SALL4: variants seen among roughly 807,000 people sequenced by gnomAD.
SALL4 encodes sal-like protein 4.
SALL4 carries 4 observed loss-of-function variants against 60.8 expected under a neutral mutation model. The observed-to-expected ratio is 0.07, with a 90% confidence interval of 0.03 to 0.15. SALL4 has a LOEUF of 0.15. Ranked by LOEUF, SALL4 falls within the 10% of genes least tolerant of loss-of-function variation. The probability of loss-of-function intolerance (pLI) is 1.00; values close to 1 mark genes in which losing one functional copy is unlikely to be tolerated. For missense variants in SALL4, 1,178 were observed against 1,394.7 expected (o/e 0.84, Z 2.48); for synonymous variants, 580 against 574.9 (o/e 1.01, Z -0.13).
At chr20:51,802,012 G>T (rs1158251311) in intron 1 of SALL4, among the ~76,000 whole-genome samples, 1 of 151,836 alleles carries the variant, frequency 6.6e-6, no homozygotes, top group Non-Finnish European at 1.5e-5. Context: ...GAGAACAGAG[G>T]AGCGAGTGGG....
rs764213189 is a variant in SALL4, at chr20:51,790,806, G to T, written c.1677C>A (p.Asp559Glu). Residue 559 changes from aspartate to glutamate, a missense_variant, in exon 2 of 4, where the codon GAC becomes GAA. Asp to Glu is a conservative substitution (Grantham distance 45, BLOSUM62 2). This residue lies in a region of SALL4 where 853 missense variants were observed against 1,036.8 expected (regional missense o/e 0.82). Coordinates refer to ENST00000217086, the MANE Select transcript of SALL4 (RefSeq NM_020436.5). This position sits in a 1 kb window ranked among gnomAD's most constrained non-coding sequence, Gnocchi z 5.5. ...ATTCGTTGGGATCAGTGGTGGCCTT[G>T]TCAATGTTCTCCACCAACTGCTGCA... is the stretch of plus-strand genomic sequence containing the variant. ...LKLQQLVENIDKATTDPNECL... is the reference protein window; with the variant it reads ...LKLQQLVENIEKATTDPNECL... 3.7e-6 allele frequency: 6 copies of T among 1,613,992 alleles called. No homozygotes were observed. In the East Asian group the frequency reaches 1.3e-4, roughly 36 times the overall value.
chr20:51,802,169 C>T (rs1333775587), intron 1 of SALL4, 110 bp downstream of exon 1: 3 of 1,351,956 alleles, frequency 2.2e-6, no homozygotes, highest in East Asian at 4.9e-5. Flanking sequence ...CAAATCTCGG[C>T]TCCTGAATTT....
chr20:51,784,056 T>TC lies in SALL4; in HGVS notation c.*208_*209insG. Reference sequence around the variant, plus strand: ...GTCTGTATTTGTTTTGGTATGCATTTTTTTTTTATTTTTTCAACTTTTTGC... The same window carrying TC: ...GTCTGTATTTGTTTTGGTATGCATTTCTTTTTTTATTTTTTCAACTTTTTGC... On this transcript the variant is annotated 3_prime_UTR_variant, in exon 4 of 4. Coordinates refer to ENST00000217086, the MANE Select transcript of SALL4 (RefSeq NM_020436.5). The TC allele has an allele frequency of 1.6e-6, 1 of 613,144 alleles. No homozygotes were observed. The highest frequency in any genetic ancestry group is 2.8e-6 in the Non-Finnish European group (1 of 352,192). The allele number at this position is 613,144 out of a possible 1,614,324, so 38.0% of individuals were successfully genotyped here.
chr20:51,791,627 G>C lies in SALL4; in HGVS notation c.856C>G (p.Leu286Val), dbSNP rs2078043297. 2.5e-6 allele frequency: 4 copies of C among 1,613,946 alleles called. No homozygotes were observed. Among genetic ancestry groups the C allele is most frequent in the Non-Finnish European group, 3.4e-6 (4 of 1,180,048 alleles). ...AGCTTGGCTTGTTTCAAGGCATCCA[G>C]AGACAGACCTTGGCTTCCAGCTTTC... The part of the protein sequence containing the change: ...SQKAGSQGLS[L>V]DALKQAKLPH... The change falls in exon 2 of 4, where the codon CTG (leucine) becomes GTG (valine). Residue 286 changes from leucine (L) to valine (V), a missense_variant. Around this residue, in one of 5 missense-constraint regions of SALL4, gnomAD observed 853 missense variants for 1,036.8 expected, o/e 0.82. Coordinates refer to ENST00000217086, the MANE Select transcript of SALL4 (RefSeq NM_020436.5). This position sits in a 1 kb window ranked among gnomAD's most constrained non-coding sequence, Gnocchi z 4.6.
chr20:51,796,577 G>A (rs1379350638), intron 1 of SALL4, among the ~76,000 whole-genome samples: 1 of 152,120 alleles, frequency 6.6e-6, no homozygotes, highest in Admixed American at 6.5e-5. Flanking sequence ...GCCTTAGGTC[G>A]CTTATCTTCA....
chr20:51,798,845 A>AAAAAC lies in SALL4; in HGVS notation c.130+3429_130+3433dup, dbSNP rs369396897. ...CTAAGGTTATTTTTAAAAAACCAAT[A>AAAAAC]AAAACAAAACAAAACAAAACAAAAC... is the stretch of plus-strand genomic sequence containing the variant. On this transcript the variant is annotated intron_variant, in intron 1 of 3. Transcript: ENST00000217086. Among the ~76,000 whole-genome samples, 907 of 151,614 alleles carry AAAAAC rather than the reference A, an allele frequency of 6.0e-3. 5 individuals are homozygous for AAAAAC. The highest frequency in any genetic ancestry group is 0.017 in the African/African-American group (709 of 41,184).
intron 3 of SALL4, among the ~76,000 whole-genome samples, chr20:51,784,999 G>A (rs1416511695): frequency 2.0e-5 from 3 of 152,046 alleles, no homozygotes; most frequent in Non-Finnish European, 4.4e-5. Flanking sequence ...TTTTATACAT[G>A]AGCACTGAAA....
rs57307622 is a variant in SALL4, at chr20:51,782,573, A to AAAAAAG, written c.*1691_*1692insCTTTTT. The AAAAAAG allele has an allele frequency of 4.2e-3, 551 of 131,564 alleles. 2 individuals are homozygous for AAAAAAG. Among genetic ancestry groups the AAAAAAG allele is most frequent in the Non-Finnish European group, 5.3e-3 (345 of 64,988 alleles). The allele number at this position is 131,564 out of a possible 1,614,324, so 8.1% of individuals were successfully genotyped here. ...GGCAAAAAAAAAAAAAAAAAAAAAA[A>AAAAAAG]AGGGGGGCGGAATCCTAAAGTCAGG... On this transcript the variant is annotated 3_prime_UTR_variant, in exon 4 of 4. Coordinates refer to ENST00000217086, the MANE Select transcript of SALL4 (RefSeq NM_020436.5).
At chr20:51,784,779 C>A in intron 3 of SALL4, 95 bp from the exon 4 acceptor site, 1 of 1,412,646 alleles carries the variant, frequency 7.1e-7, no homozygotes, top group South Asian at 1.2e-5. Context: ...TCATTCTACC[C>A]AGTGTTTTAA....
Position 51,788,720 on chromosome 20 carries a change from A to G in SALL4, c.2742+141T>C. 9.9e-7 allele frequency: 1 copy of G among 1,009,150 alleles called. No individual in the cohort carries two copies. The highest frequency in any genetic ancestry group is 1.4e-5 in the South Asian group (1 of 72,456). The allele number at this position is 1,009,150 out of a possible 1,614,324, so 62.5% of individuals were successfully genotyped here. A position where few individuals can be genotyped will look rare whatever the true frequency, so the allele number is the denominator to read the frequency against. ...CTCAAAAATAAATAAATAAATAAAC[A>G]AACTCCTGGACTCAAGCAATCCTCC... On this transcript the variant is annotated intron_variant, in intron 3 of 3. Coordinates refer to ENST00000217086, the MANE Select transcript of SALL4 (RefSeq NM_020436.5). This position sits in a 1 kb window ranked among gnomAD's most constrained non-coding sequence, Gnocchi z 4.1.
rs145790154 is a variant in SALL4, at chr20:51,784,364, C to T, written c.3063G>A (p.Ser1021=). Reference sequence around the variant, plus strand: ...GTTTTTCCACATCTGCACTGATACCCGACTGGGAGCCATCCATCTTGGAGA... The same window carrying T: ...GTTTTTCCACATCTGCACTGATACCTGACTGGGAGCCATCCATCTTGGAGA... ...ATVSKMDGSQ[S]GISADVEKPS... The change falls in exon 4 of 4, where the codon TCG becomes TCA. Residue 1021 remains serine (S), a synonymous_variant. Coordinates refer to ENST00000217086, the MANE Select transcript of SALL4 (RefSeq NM_020436.5). The T allele has an allele frequency of 2.3e-5, 37 of 1,614,022 alleles. No individual in the cohort carries two copies. In the African/African-American group the frequency reaches 3.7e-4, roughly 16 times the overall value.
At position 51,784,028 on chromosome 20, in the gene SALL4, A is replaced by C; in HGVS notation, c.*237T>G. 1 of 549,254 alleles carries C rather than the reference A, an allele frequency of 1.8e-6. No individual in the cohort carries two copies. Among genetic ancestry groups the C allele is most frequent in the Admixed American group, 3.1e-5 (1 of 32,144 alleles). The allele number at this position is 549,254 out of a possible 1,614,324, so 34.0% of individuals were successfully genotyped here. A position where few individuals can be genotyped will look rare whatever the true frequency, so the allele number is the denominator to read the frequency against. On this transcript the variant is annotated 3_prime_UTR_variant, in exon 4 of 4. Transcript: ENST00000217086. Reference sequence around the variant, plus strand: ...GAGCGAGACTCCATCTCAAAAAAAAAGAGTCTGTATTTGTTTTGGTATGCA... The same window carrying C: ...GAGCGAGACTCCATCTCAAAAAAAACGAGTCTGTATTTGTTTTGGTATGCA...
chr20:51,791,752 G>A lies in SALL4; in HGVS notation c.731C>T (p.Ser244Phe). The A allele has an allele frequency of 6.2e-7, 1 of 1,614,126 alleles. No individual in the cohort carries two copies. The highest frequency in any genetic ancestry group is 8.5e-7 in the Non-Finnish European group (1 of 1,180,048). The change falls in exon 2 of 4, where the codon TCC (serine) becomes TTC (phenylalanine). Residue 244 changes from serine to phenylalanine, a missense_variant. This residue lies in a region of SALL4 where 853 missense variants were observed against 1,036.8 expected (regional missense o/e 0.82). Transcript: ENST00000217086. The surrounding 1 kb of genome is among the most constrained non-coding windows in gnomAD (Gnocchi z 4.6). ...TGCCCCGCTTGAGTGGAGGGCGTGG[G>A]AGGCCCACATGTTCACCTGGATGCG... is the stretch of plus-strand genomic sequence containing the variant. ...QIRIQVNMWA[S>F]HALHSSGAGA...
chr20:51,800,810 C>T (rs2078105179), intron 1 of SALL4, among the ~76,000 whole-genome samples: 1 of 152,024 alleles, frequency 6.6e-6, no homozygotes, highest in African/African-American at 2.4e-5. Flanking sequence ...GCTGACCACC[C>T]GGCGCCCCGA....
intron 2 of SALL4, among the ~76,000 whole-genome samples, chr20:51,789,749 A>G (rs562221510): frequency 7.3e-4 from 111 of 152,326 alleles, no homozygotes; most frequent in African/African-American, 2.0e-3. Context: ...ACCCACCCCT[A>G]TGTCCCAAGG....
chr20:51,784,029 G>C lies in SALL4; in HGVS notation c.*236C>G, dbSNP rs932936678. 2 of 548,138 alleles carry C rather than the reference G, an allele frequency of 3.6e-6. No individual in the cohort carries two copies. Among genetic ancestry groups the C allele is most frequent in the Non-Finnish European group, 6.5e-6 (2 of 308,384 alleles). 34.0% of individuals were successfully genotyped at this position (548,138 alleles called of 1,614,324 possible). A position where few individuals can be genotyped will look rare whatever the true frequency, so the allele number is the denominator to read the frequency against. ...AGCGAGACTCCATCTCAAAAAAAAAGAGTCTGTATTTGTTTTGGTATGCAT... is the reference window on the plus strand; with the variant it reads ...AGCGAGACTCCATCTCAAAAAAAAACAGTCTGTATTTGTTTTGGTATGCAT... On this transcript the variant is annotated 3_prime_UTR_variant, in exon 4 of 4. Coordinates refer to ENST00000217086, the MANE Select transcript of SALL4 (RefSeq NM_020436.5).
At position 51,783,724 on chromosome 20, in the gene SALL4, GA is replaced by G. The variant is rs34105550; in HGVS notation, c.*540del. On this transcript the variant is annotated 3_prime_UTR_variant, in exon 4 of 4. Coordinates refer to ENST00000217086, the MANE Select transcript of SALL4 (RefSeq NM_020436.5). ...CAAGACCCGCTTCTTTCCAAAATTA[GA>G]AAAAAAAAAAAAAAGTGCCAGGCGT... 0.14 allele frequency: 19,091 copies of G among 137,172 alleles called. 1,240 individuals are homozygous for G. Among genetic ancestry groups the G allele is most frequent in the African/African-American group, 0.16 (5,967 of 37,208 alleles). The allele number at this position is 137,172 out of a possible 1,614,324, so 8.5% of individuals were successfully genotyped here.
Position 51,791,106 on chromosome 20 carries a change from G to A in SALL4, c.1377C>T (p.Leu459=). ...GTTCATCTATGGGGTCAGGTACAGA[G>A]AGTGCATAGGGGATGCCATTGCCGG... is the stretch of plus-strand genomic sequence containing the variant. ...VAAGNGIPYA[L]SVPDPIDEPS... is the part of the protein sequence containing the mutation. The change falls in exon 2 of 4, where the codon CTC becomes CTT. Residue 459 remains leucine (L), a synonymous_variant. Transcript: ENST00000217086. The surrounding 1 kb of genome is among the most constrained non-coding windows in gnomAD (Gnocchi z 4.6). 1 of 1,614,180 alleles carries A rather than the reference G, an allele frequency of 6.2e-7. No homozygotes were observed. The highest frequency in any genetic ancestry group is 8.5e-7 in the Non-Finnish European group (1 of 1,180,038).
chr20:51,794,259 T>C (rs1362195202), intron 1 of SALL4, among the ~76,000 whole-genome samples: 3 of 152,226 alleles, frequency 2.0e-5, no homozygotes, highest in African/African-American at 7.2e-5. Context: ...GCCCATACTG[T>C]AATCATTCAA....
Sources: gnomAD v4.1 joint callset for allele counts (sites outside exome capture counted in the v4.1 genomes callset) on GRCh38, gnomAD v4.1.1 for gene constraint, gnomAD v4.1.1 regional missense constraint, Gnocchi (gnomAD v3.1) non-coding constraint, MANE v1.5 for transcripts, NCBI Gene and HGNC (gene_info 2026-07-23, HGNC 2026-07-21) for gene names.